Variants in SOX6 observed in about 807,000 individuals in gnomAD.
The protein encoded by SOX6 is transcription factor SOX-6.
Under a neutral mutation model 97.8 loss-of-function variants are expected in SOX6, and 11 were observed. The ratio of observed to expected loss-of-function variants is 0.11; its 90% CI spans 0.07 to 0.19. The LOEUF is 0.19. Among genes scored for constraint, SOX6 ranks in the 10% least tolerant of loss-of-function variants. SOX6 has a pLI of 1.00. For synonymous variants in SOX6, 360 were observed against 371.4 expected, an observed-to-expected ratio of 0.97 and a Z score of 0.35; for missense variants, 810 against 1,039.5, an observed-to-expected ratio of 0.78 and a Z score of 3.04.
intron 4 of SOX6, among the ~76,000 whole-genome samples, chr11:16,574,632 G>C (rs1022752387): frequency 2.0e-5 from 3 of 152,022 alleles, no homozygotes; most frequent in African/African-American, 7.2e-5. Flanking sequence ...GAGAACATCT[G>C]TTCATCAAAA....
intron 1 of SOX6, among the ~76,000 whole-genome samples, chr11:16,422,574 A>G (rs1859040135): frequency 1.3e-5 from 2 of 152,168 alleles, no homozygotes; most frequent in African/African-American, 4.8e-5. Context: ...ATTTTTTAAG[A>G]GTTAATTCGC....
chr11:16,156,292 C>T (rs1300091218), intron 6 of SOX6, among the ~76,000 whole-genome samples: 1 of 151,978 alleles, frequency 6.6e-6, no homozygotes, highest in Non-Finnish European at 1.5e-5. Context: ...CTGTGGGTCC[C>T]TTTGCTACTG....
rs149364577 is a variant in SOX6, at chr11:16,308,154, T to G, written c.445+10292A>C. Among the ~76,000 whole-genome samples the G allele has an allele frequency of 4.5e-3, 692 of 152,278 alleles. 5 individuals carry two copies. Among genetic ancestry groups the G allele is most frequent in the South Asian group, 0.018 (87 of 4,826 alleles). On this transcript the variant is annotated intron_variant, in intron 3 of 15. Coordinates refer to ENST00000683767, the MANE Select transcript of SOX6 (RefSeq NM_001367873.1). Reference sequence around the variant, plus strand: ...CAGATATCAAAATTGGATAGAAGCTTTTATCTCTATCTTTGTAAAAATTCT... The same window carrying G: ...CAGATATCAAAATTGGATAGAAGCTGTTATCTCTATCTTTGTAAAAATTCT...
intron 7 of SOX6, among the ~76,000 whole-genome samples, chr11:16,101,513 GA>G (rs1319256077): frequency 6.6e-6 from 1 of 151,504 alleles, no homozygotes; most frequent in African/African-American, 2.4e-5. Flanking sequence ...CTACCTTTAA[GA>G]AAGCTAAGAA....
At chr11:16,018,929 C>G in intron 12 of SOX6, among the ~76,000 whole-genome samples, 1 of 152,072 alleles carries the variant, frequency 6.6e-6, no homozygotes, top group East Asian at 1.9e-4. Flanking sequence ...AAGAAAACGG[C>G]TAGCAATAAA....
intron 9 of SOX6, among the ~76,000 whole-genome samples, chr11:16,062,062 G>A (rs533150673): frequency 1.3e-5 from 2 of 151,780 alleles, no homozygotes; most frequent in South Asian, 2.1e-4. Flanking sequence ...AAACTAAAAA[G>A]CTTCTGCACA....
intron 1 of SOX6, among the ~76,000 whole-genome samples, chr11:16,382,660 G>T (rs1857859775): frequency 6.6e-6 from 1 of 151,888 alleles, no homozygotes; most frequent in African/African-American, 2.4e-5. Flanking sequence ...TTATCTAAAG[G>T]TAAAGAGATG....
chr11:16,501,953 C>T (rs1441890033), intron 4 of SOX6, among the ~76,000 whole-genome samples: 1 of 152,126 alleles, frequency 6.6e-6, no homozygotes, highest in Admixed American at 6.6e-5. Context: ...CCAGCCATCC[C>T]GTTACTGGGT....
chr11:16,135,853 C>A (rs558278574), intron 6 of SOX6, among the ~76,000 whole-genome samples: 2 of 152,274 alleles, frequency 1.3e-5, no homozygotes, highest in East Asian at 3.9e-4. Context: ...TTACATGCTG[C>A]AGAGAAATCT....
At chr11:16,600,204 A>G (rs1443567140) in intron 4 of SOX6, among the ~76,000 whole-genome samples, 4 of 152,240 alleles carry the variant, frequency 2.6e-5, no homozygotes, top group Non-Finnish European at 5.9e-5. Context: ...GCAGCTTCAG[A>G]TATATTGCCT....
At chr11:16,416,055 C>T (rs1209483289) in intron 1 of SOX6, among the ~76,000 whole-genome samples, 2 of 152,144 alleles carry the variant, frequency 1.3e-5, no homozygotes, top group Non-Finnish European at 2.9e-5. Flanking sequence ...GTACAATGAA[C>T]ATGATCATGG....
upstream of SOX6, among the ~76,000 whole-genome samples, chr11:16,360,890 C>T (rs1298044348): frequency 6.6e-6 from 1 of 151,742 alleles, no homozygotes; most frequent in Non-Finnish European, 1.5e-5. Context: ...GTAGTCCCAG[C>T]TACTCGGGAG....
chr11:16,459,762 C>G (rs748866675), intron 1 of SOX6, among the ~76,000 whole-genome samples: 4 of 151,826 alleles, frequency 2.6e-5, no homozygotes, highest in Non-Finnish European at 4.4e-5. Flanking sequence ...TAAATAGAAA[C>G]AATCTAGAAT....
At chr11:16,528,733 C>T (rs1861200996) in intron 4 of SOX6, among the ~76,000 whole-genome samples, 1 of 152,036 alleles carries the variant, frequency 6.6e-6, no homozygotes, top group African/African-American at 2.4e-5. Context: ...ACCCAAGGAA[C>T]TGGAAAATAA....
At chr11:16,019,019 G>A (rs1166443100) in intron 12 of SOX6, among the ~76,000 whole-genome samples, 1 of 152,116 alleles carries the variant, frequency 6.6e-6, no homozygotes, top group Admixed American at 6.6e-5. Flanking sequence ...AGTGGATTGT[G>A]TACTTAAATA....
chr11:16,599,161 G>C (rs915461238), intron 4 of SOX6, among the ~76,000 whole-genome samples: 3 of 152,036 alleles, frequency 2.0e-5, no homozygotes, highest in Non-Finnish European at 4.4e-5. Context: ...ATCACGTTAG[G>C]CTTCTTCAAT....
At chr11:16,484,674 CT>C in intron 4 of SOX6, 1 of 621,770 alleles carries the variant, frequency 1.6e-6, no homozygotes, top group Non-Finnish European at 2.9e-6. Flanking sequence ...CTGGCCATGG[CT>C]GCTGCGCTCC....
intron 3 of SOX6, among the ~76,000 whole-genome samples, chr11:16,308,298 T>C (rs1258830960): frequency 1.3e-5 from 2 of 152,228 alleles, no homozygotes; most frequent in Non-Finnish European, 2.9e-5. Flanking sequence ...AAAGTAATGA[T>C]AGTAAACTCT....
At chr11:16,710,056 C>A (rs1490694599) in intron 3 of SOX6, among the ~76,000 whole-genome samples, 1 of 152,064 alleles carries the variant, frequency 6.6e-6, no homozygotes, top group Non-Finnish European at 1.5e-5. Context: ...CTATATTTTT[C>A]TGTGAAAAGA....
Sources: allele counts gnomAD v4.1 joint callset (sites outside exome capture counted in the v4.1 genomes callset), GRCh38; gene constraint gnomAD v4.1.1; transcripts MANE v1.5; gene names NCBI Gene and HGNC (gene_info 2026-07-23, HGNC 2026-07-21).